MATCAP2: variants seen among roughly 807,000 people sequenced by gnomAD.
MATCAP2 encodes the protein putative tyrosine carboxypeptidase MATCAP2.
the MATCAP2 span, among the ~76,000 whole-genome samples, chr7:36,383,497 G>T: frequency 6.6e-6 from 1 of 152,182 alleles, no homozygotes; most frequent in African/African-American, 2.4e-5. Flanking sequence ...AAAAGGATGA[G>T]TTCGTGTCCT....
chr7:36,385,523 A>C, the MATCAP2 span, among the ~76,000 whole-genome samples: 1 of 152,244 alleles, frequency 6.6e-6, no homozygotes, highest in East Asian at 1.9e-4. Flanking sequence ...AGTGGCTTAC[A>C]CCTGTAATTC....
At chr7:36,385,184 G>A in the MATCAP2 span, among the ~76,000 whole-genome samples, 1 of 152,204 alleles carries the variant, frequency 6.6e-6, no homozygotes, top group African/African-American at 2.4e-5. Flanking sequence ...CAGGTATAAT[G>A]AAGATATACC....
At chr7:36,364,777 T>C in the MATCAP2 span, among the ~76,000 whole-genome samples, 1 of 152,204 alleles carries the variant, frequency 6.6e-6, no homozygotes, top group Non-Finnish European at 1.5e-5. Context: ...GTTTTTCTGA[T>C]ATCGCAGTGA....
At chr7:36,381,315 G>A in the MATCAP2 span, among the ~76,000 whole-genome samples, 1 of 152,094 alleles carries the variant, frequency 6.6e-6, no homozygotes, top group Non-Finnish European at 1.5e-5. Flanking sequence ...ATACATGTGG[G>A]TGGATGAAAA....
the MATCAP2 span, chr7:36,325,876 T>G: frequency 6.6e-6 from 1 of 152,024 alleles, no homozygotes; most frequent in African/African-American, 2.4e-5. Context: ...TCAAGTTTAC[T>G]GCAGGTGCTA....
chr7:36,339,010 G>T, the MATCAP2 span, among the ~76,000 whole-genome samples: 1 of 152,192 alleles, frequency 6.6e-6, no homozygotes, highest in Non-Finnish European at 1.5e-5. Context: ...TGAGACATAA[G>T]ATGTTTCCCT....
the MATCAP2 span, among the ~76,000 whole-genome samples, chr7:36,327,825 C>T: frequency 6.6e-6 from 1 of 152,074 alleles, no homozygotes; most frequent in Non-Finnish European, 1.5e-5. Flanking sequence ...ATCCAAAATC[C>T]AAAACACTTC....
At chr7:36,389,644 A>G in the MATCAP2 span, among the ~76,000 whole-genome samples, 3 of 151,996 alleles carry the variant, frequency 2.0e-5, no homozygotes, top group East Asian at 5.9e-4. Flanking sequence ...CAGGAACCCG[A>G]CGCCGTTGGA....
At chr7:36,375,788 G>T in the MATCAP2 span, among the ~76,000 whole-genome samples, 2 of 152,160 alleles carry the variant, frequency 1.3e-5, no homozygotes, top group Admixed American at 1.3e-4. Flanking sequence ...TCTATTCAGG[G>T]ATTCAACTTC....
chr7:36,341,485 C>T, the MATCAP2 span, among the ~76,000 whole-genome samples: 2 of 152,156 alleles, frequency 1.3e-5, no homozygotes, highest in African/African-American at 4.8e-5. Context: ...ATTTATGCCC[C>T]ACCCACATTC....
chr7:36,363,871 T>C, the MATCAP2 span, among the ~76,000 whole-genome samples: 5 of 152,196 alleles, frequency 3.3e-5, no homozygotes, highest in African/African-American at 1.2e-4. Context: ...TTAACTATTA[T>C]TAGTATCACA....
chr7:36,353,368 A>G, the MATCAP2 span, among the ~76,000 whole-genome samples: 1 of 152,158 alleles, frequency 6.6e-6, no homozygotes, highest in African/African-American at 2.4e-5. Context: ...TAAGCTGTTC[A>G]TGAAAACAGC....
chr7:36,345,687 A>G, the MATCAP2 span, among the ~76,000 whole-genome samples: 3 of 152,332 alleles, frequency 2.0e-5, no homozygotes, highest in South Asian at 4.1e-4. Context: ...ATCCCATATC[A>G]TATATAAAAA....
chr7:36,364,110 C>T, the MATCAP2 span, among the ~76,000 whole-genome samples: 36 of 129,294 alleles, frequency 2.8e-4, no homozygotes, highest in African/African-American at 1.1e-3. Flanking sequence ...TTTTTTGTGA[C>T]AGGGTCTCAC....
the MATCAP2 span, among the ~76,000 whole-genome samples, chr7:36,377,779 T>C: frequency 6.6e-6 from 1 of 152,216 alleles, no homozygotes; most frequent in African/African-American, 2.4e-5. Context: ...GTCCCATATT[T>C]CTTGGAGGCT....
the MATCAP2 span, chr7:36,389,784 A>G: frequency 1.1e-5 from 7 of 622,054 alleles, no homozygotes; most frequent in African/African-American, 1.2e-4. Flanking sequence ...AGGGGCGGGG[A>G]GAGGGCGCCC....
the MATCAP2 span, among the ~76,000 whole-genome samples, chr7:36,338,592 C>A: frequency 6.6e-6 from 1 of 151,986 alleles, no homozygotes; most frequent in Admixed American, 6.6e-5. Flanking sequence ...CATGCCCAGT[C>A]TCTAGCAACT....
At chr7:36,335,098 A>G in the MATCAP2 span, 6 of 1,613,966 alleles carry the variant, frequency 3.7e-6, no homozygotes, top group Non-Finnish European at 4.2e-6. Context: ...CAGTGGACAC[A>G]TTGATAGTCA....
At chr7:36,379,836 AC>A in the MATCAP2 span, among the ~76,000 whole-genome samples, 6 of 146,662 alleles carry the variant, frequency 4.1e-5, no homozygotes, top group African/African-American at 1.5e-4. Context: ...ACACACACAC[AC>A]ACACACACAC....
Sources: allele counts gnomAD v4.1 joint callset (sites outside exome capture counted in the v4.1 genomes callset), GRCh38; gene constraint gnomAD v4.1.1; transcripts MANE v1.5; gene names NCBI Gene and HGNC (gene_info 2026-07-23, HGNC 2026-07-21).